The following TMTC4 variants were observed in gnomAD, a reference collection of about 807,000 sequenced individuals.
TMTC4 encodes the protein transmembrane O-mannosyltransferase targeting cadherins 4.
A neutral mutation model predicts 86.0 loss-of-function variants in TMTC4; 65 were observed. The ratio of observed to expected loss-of-function variants is 0.76; its 90% CI spans 0.62 to 0.93. TMTC4 has a LOEUF of 0.93. TMTC4 is among the 40% of genes least tolerant of loss of function. The pLI is 0.00. For missense variants in TMTC4, 866 were observed against 948.1 expected (o/e 0.91, Z 1.14); for synonymous variants, 379 against 382.5 (o/e 0.99, Z 0.11).
chr13:100,651,676 C>CA (rs1225083901), intron 6 of TMTC4, among the ~76,000 whole-genome samples: 1 of 151,776 alleles, frequency 6.6e-6, no homozygotes, highest in East Asian at 1.9e-4. Flanking sequence ...ATGATGTTAC[C>CA]AAAAAAAGTA....
At chr13:100,631,507 T>C (rs924940396) in intron 12 of TMTC4, among the ~76,000 whole-genome samples, 1 of 152,214 alleles carries the variant, frequency 6.6e-6, no homozygotes, top group Non-Finnish European at 1.5e-5. Context: ...ATACTTGGTA[T>C]CTCATCCACA....
In TMTC4 at chr13:100,668,751, G is replaced by A. The variant is rs757635253; in HGVS notation, c.47C>T (p.Ala16Val). ...HNAGAGSHQP[A>V]VFRMAVLDTD... ...GTCCAACACGGCCATTCTGAAAACTGCAGGTTGGTGGCTCCCGGCTCCAGC... is the reference window on the plus strand; with the variant it reads ...GTCCAACACGGCCATTCTGAAAACTACAGGTTGGTGGCTCCCGGCTCCAGC... The change falls in exon 3 of 19, where the codon GCA becomes GTA. Residue 16 changes from alanine to valine, a missense_variant. Transcript: ENST00000342624. 6.2e-7 allele frequency: 1 copy of A among 1,614,216 alleles called. No homozygotes were observed. Among genetic ancestry groups the A allele is most frequent in the Non-Finnish European group, 8.5e-7 (1 of 1,180,046 alleles).
chr13:100,640,329 C>T (rs1412340363), intron 7 of TMTC4, among the ~76,000 whole-genome samples: 1 of 152,058 alleles, frequency 6.6e-6, no homozygotes, highest in Non-Finnish European at 1.5e-5. Context: ...TGCTGTAAAA[C>T]ATTAATAGTG....
At chr13:100,670,601 C>T (rs1886961315) in intron 1 of TMTC4, 32 bp from the exon 2 acceptor site, 2 of 467,674 alleles carry the variant, frequency 4.3e-6, no homozygotes, top group East Asian at 3.5e-5. Flanking sequence ...GCACACAGAC[C>T]CCAACCTCTA....
chr13:100,654,275 C>A (rs1884806546), intron 6 of TMTC4, among the ~76,000 whole-genome samples: 2 of 152,170 alleles, frequency 1.3e-5, no homozygotes, highest in African/African-American at 4.8e-5. Flanking sequence ...TCAAAAACAT[C>A]TACAAATTTA....
intron 15 of TMTC4, among the ~76,000 whole-genome samples, chr13:100,617,208 C>T (rs1007925584): frequency 6.6e-5 from 10 of 152,188 alleles, no homozygotes; most frequent in Non-Finnish European, 7.3e-5. Flanking sequence ...ACCAGTGGCT[C>T]ACTACAGCCT....
chr13:100,631,221 A>T (rs769184594), intron 12 of TMTC4, among the ~76,000 whole-genome samples: 4 of 152,228 alleles, frequency 2.6e-5, no homozygotes, highest in African/African-American at 4.8e-5. Flanking sequence ...GTAACATGTA[A>T]ATGCAAGAAA....
chr13:100,664,382 G>C (rs1594374433), intron 3 of TMTC4, 46 bp from the exon 4 acceptor site: 2 of 1,442,194 alleles, frequency 1.4e-6, no homozygotes, highest in Middle Eastern at 1.9e-4. Flanking sequence ...TCTCCCATCA[G>C]CCCTAAGCCA....
intron 6 of TMTC4, among the ~76,000 whole-genome samples, chr13:100,645,132 C>T (rs1292286594): frequency 9.2e-5 from 14 of 152,156 alleles, no homozygotes; most frequent in Non-Finnish European, 2.9e-5. Flanking sequence ...TGTTTTATGC[C>T]TTCTAATTAT....
At chr13:100,656,548 T>TTTTTTTTTTTTG (rs1885144163) in intron 5 of TMTC4, 80 bp from the exon 6 acceptor site, 1 of 793,266 alleles carries the variant, frequency 1.3e-6, no homozygotes, top group Non-Finnish European at 1.8e-6. Context: ...ATAACTTTTT[T>TTTTTTTTTTTTG]TTTTTTTTTT....
intron 3 of TMTC4, among the ~76,000 whole-genome samples, chr13:100,667,683 C>T (rs898251649): frequency 6.6e-6 from 1 of 152,054 alleles, no homozygotes; most frequent in Admixed American, 6.6e-5. Context: ...CAAAGAGTTG[C>T]TCTAATTATA....
chr13:100,660,881 T>C (rs1885696921), intron 5 of TMTC4, among the ~76,000 whole-genome samples: 1 of 152,162 alleles, frequency 6.6e-6, no homozygotes, highest in Non-Finnish European at 1.5e-5. Context: ...TTGGAACTCC[T>C]GACCTCAAGT....
At chr13:100,644,845 C>A (rs889026451) in intron 6 of TMTC4, among the ~76,000 whole-genome samples, 1 of 151,222 alleles carries the variant, frequency 6.6e-6, no homozygotes, top group Non-Finnish European at 1.5e-5. Flanking sequence ...GATGGAGTAT[C>A]GCTCTGTCAC....
Position 100,625,661 on chromosome 13 carries a change from A to G in TMTC4, c.1710T>C (p.Ala570=). ...GCACTATGCCTAGATTCATCCACGC[A>G]GCGGCAAAGTCTGGCCTAGAGGAGC... ...LAVQIQPDFA[A]AWMNLGIVQN... is the part of the protein sequence containing the mutation. Residue 570 remains alanine, a synonymous_variant, in exon 15 of 19, where the codon GCT becomes GCC. Coordinates refer to ENST00000342624, the MANE Select transcript of TMTC4 (RefSeq NM_032813.5). The G allele has an allele frequency of 6.2e-7, 1 of 1,614,180 alleles. No individual in the cohort carries two copies. Among genetic ancestry groups the G allele is most frequent in the South Asian group, 1.1e-5 (1 of 91,080 alleles).
intron 12 of TMTC4, among the ~76,000 whole-genome samples, chr13:100,633,801 GT>G (rs908291276): frequency 1.3e-5 from 2 of 152,084 alleles, no homozygotes; most frequent in Admixed American, 6.5e-5. Flanking sequence ...GGAGGCAATG[GT>G]AACACAATGG....
rs1880365173 is a variant in TMTC4, at chr13:100,625,601, T to C, written c.1770A>G (p.Gln590=). Residue 590 remains glutamine (Q), a synonymous_variant, in exon 15 of 19, where the codon CAA becomes CAG. Transcript: ENST00000342624. ...TGTGTTTAATTGCTGTCCGGTAACTTTGCTCTGCTGCTTCAAACCGTTTCA... is the reference window on the plus strand; with the variant it reads ...TGTGTTTAATTGCTGTCCGGTAACTCTGCTCTGCTGCTTCAAACCGTTTCA... ...NSLKRFEAAE[Q]SYRTAIKHRR... The C allele has an allele frequency of 6.2e-7, 1 of 1,614,078 alleles. No homozygotes were observed. The highest frequency in any genetic ancestry group is 8.5e-7 in the Non-Finnish European group (1 of 1,180,054).
intron 12 of TMTC4, among the ~76,000 whole-genome samples, chr13:100,627,216 G>C (rs540025910): frequency 4.8e-4 from 73 of 152,332 alleles, no homozygotes; most frequent in African/African-American, 1.6e-3. Context: ...TGGAGAGCCC[G>C]GGAGGAGCAG....
intron 7 of TMTC4, chr13:100,638,635 G>A (rs1176128578): frequency 6.6e-6 from 1 of 152,190 alleles, no homozygotes; most frequent in Non-Finnish European, 1.5e-5. Flanking sequence ...ACTAGGTTGC[G>A]GGGCTGAGTT....
At chr13:100,621,492 C>T (rs1221309652) in intron 15 of TMTC4, among the ~76,000 whole-genome samples, 2 of 152,148 alleles carry the variant, frequency 1.3e-5, no homozygotes, top group Admixed American at 1.3e-4. Flanking sequence ...GTGGCGCCAT[C>T]TCGGTTCACT....
Sources: gnomAD v4.1 joint callset for allele counts (sites outside exome capture counted in the v4.1 genomes callset) on GRCh38, gnomAD v4.1.1 for gene constraint, MANE v1.5 for transcripts, NCBI Gene and HGNC (gene_info 2026-07-23, HGNC 2026-07-21) for gene names.